The following BBS9 variants were observed in gnomAD, a reference collection of about 807,000 sequenced individuals.
BBS9 encodes the protein Bardet-Biedl syndrome 9.
A neutral mutation model predicts 117.7 loss-of-function variants in BBS9; 89 were observed. The observed-to-expected ratio is 0.76, with a 90% CI of 0.64 to 0.90. The LOEUF is 0.90. Among genes scored for constraint, BBS9 ranks in the 40% least tolerant of loss-of-function variants. The pLI is 0.00. For missense variants in BBS9, 982 were observed against 1,042.2 expected, an observed-to-expected ratio of 0.94 and a Z score of 0.80; for synonymous variants, 379 against 370.9, an observed-to-expected ratio of 1.02 and a Z score of -0.25.
chr7:33,432,875 A>G (rs1834732363), intron 19 of BBS9, among the ~76,000 whole-genome samples: 1 of 152,008 alleles, frequency 6.6e-6, no homozygotes, highest in African/African-American at 2.4e-5. Context: ...TAGAGTTAAG[A>G]ATCCTTTTAC....
chr7:33,430,584 C>T (rs566522069), intron 19 of BBS9, among the ~76,000 whole-genome samples: 16 of 152,254 alleles, frequency 1.1e-4, no homozygotes, highest in African/African-American at 2.9e-4. Context: ...CCTTGTTTAT[C>T]GAAAGCAGTG....
At chr7:33,329,780 A>G (rs985336099) in intron 9 of BBS9, among the ~76,000 whole-genome samples, 2 of 152,254 alleles carry the variant, frequency 1.3e-5, no homozygotes. Flanking sequence ...ACAGCTGGAC[A>G]CATTATTAAA....
intron 21 of BBS9, among the ~76,000 whole-genome samples, chr7:33,616,792 T>G (rs888439941): frequency 2.0e-5 from 3 of 152,072 alleles, no homozygotes; most frequent in African/African-American, 7.2e-5. Context: ...TCTGGACTTT[T>G]ACTGTAACCA....
intron 4 of BBS9, among the ~76,000 whole-genome samples, chr7:33,163,818 GTC>G (rs981390167): frequency 1.3e-5 from 2 of 151,996 alleles, no homozygotes; most frequent in African/African-American, 2.4e-5. Context: ...GGTTTTTTGT[GTC>G]TCTATTTCCT....
chr7:33,432,450 A>G (rs2128880029), intron 19 of BBS9, among the ~76,000 whole-genome samples: 1 of 152,092 alleles, frequency 6.6e-6, no homozygotes, highest in Non-Finnish European at 1.5e-5. Flanking sequence ...TTTATTTTGC[A>G]GTGTAATTAC....
chr7:33,408,407 C>T (rs1298201014), intron 19 of BBS9, among the ~76,000 whole-genome samples: 1 of 152,154 alleles, frequency 6.6e-6, no homozygotes, highest in African/African-American at 2.4e-5. Flanking sequence ...GGCAATGCCT[C>T]ACCCTGCTTT....
rs576401162 is a variant in BBS9 at position 33,357,908 on chromosome 7, C to T, written c.1606C>T (p.Leu536=). The T allele has an allele frequency of 3.7e-4, 597 of 1,612,028 alleles. 7 individuals are homozygous for T. The South Asian group carries it at 5.9e-3, about 16-fold the overall frequency. Reference sequence around the variant, plus strand: ...TAGACTTCCCCTAAAGTTAATTTGCCTACCAGGTCAGCCTTCAAAAACTGC... The same window carrying T: ...TAGACTTCCCCTAAAGTTAATTTGCTTACCAGGTCAGCCTTCAAAAACTGC... ...KFRLPLKLIC[L]PGQPSKTASH... Residue 536 remains leucine, a synonymous_variant, in exon 16 of 23, where the codon CTA becomes TTA. Coordinates refer to ENST00000242067, the MANE Select transcript of BBS9 (RefSeq NM_198428.3).
chr7:33,289,754 T>C (rs1803625725), intron 9 of BBS9, among the ~76,000 whole-genome samples: 1 of 152,080 alleles, frequency 6.6e-6, no homozygotes, highest in Non-Finnish European at 1.5e-5. Flanking sequence ...ATTTAAAAAT[T>C]TTCTTGGGGC....
At chr7:33,608,315 G>A (rs746059842), downstream of BBS9, among the ~76,000 whole-genome samples, 4 of 152,012 alleles carry the variant, frequency 2.6e-5, no homozygotes, top group Admixed American at 6.6e-5. Flanking sequence ...TTGATTCCAT[G>A]TCTTTACTAT....
intron 15 of BBS9, 109 bp from the exon 16 acceptor site, chr7:33,357,746 G>A (rs879417089): frequency 1.6e-5 from 18 of 1,143,864 alleles, no homozygotes; most frequent in Non-Finnish European, 2.4e-5. Flanking sequence ...AAATAGGCAG[G>A]CAACAAGCAA....
At chr7:33,332,634 G>A (rs1299508746) in intron 9 of BBS9, among the ~76,000 whole-genome samples, 5 of 152,064 alleles carry the variant, frequency 3.3e-5, no homozygotes, top group African/African-American at 7.2e-5. Context: ...CTGAGATCAC[G>A]CCACTGCATT....
intron 21 of BBS9, 49 bp from the exon 22 acceptor site, chr7:33,604,816 C>A: frequency 7.7e-7 from 1 of 1,297,196 alleles, no homozygotes; most frequent in Non-Finnish European, 1.1e-6. Flanking sequence ...TGTAGAGAGG[C>A]AGATTTTCTT....
chr7:33,186,150 T>G (rs922133702), intron 5 of BBS9, among the ~76,000 whole-genome samples: 3 of 152,244 alleles, frequency 2.0e-5, no homozygotes, highest in African/African-American at 7.2e-5. Context: ...ACTTTTAAGT[T>G]GCATTTGAAT....
chr7:33,505,869 C>A, intron 20 of BBS9: 1 of 548,800 alleles, frequency 1.8e-6, no homozygotes, highest in Non-Finnish European at 3.2e-6. Context: ...TTTATGTGGT[C>A]CAGTCTACTT....
intron 22 of BBS9, 95 bp from the exon 23 acceptor site, chr7:33,605,100 C>T (rs1422410433): frequency 3.4e-6 from 5 of 1,474,060 alleles, no homozygotes; most frequent in Non-Finnish European, 3.8e-6. Flanking sequence ...CATTCTTCCC[C>T]TTAGCACTGG....
intron 20 of BBS9, among the ~76,000 whole-genome samples, chr7:33,531,971 A>G (rs1274887045): frequency 6.6e-6 from 1 of 152,250 alleles, no homozygotes. Flanking sequence ...TGCAGCAAAC[A>G]TATTTCTTGA....
chr7:33,398,355 A>G (rs1430104547), intron 19 of BBS9, among the ~76,000 whole-genome samples: 2 of 152,154 alleles, frequency 1.3e-5, no homozygotes, highest in African/African-American at 4.8e-5. Flanking sequence ...TATTCCATAT[A>G]TGAGTTAGTT....
chr7:33,633,308 T>A (rs1356690188), intron 21 of BBS9, among the ~76,000 whole-genome samples: 1 of 148,256 alleles, frequency 6.7e-6, no homozygotes, highest in Admixed American at 6.7e-5. Context: ...AGAAAAGACT[T>A]AAAAAAAAAA....
At chr7:33,441,231 A>G (rs536858465) in intron 19 of BBS9, among the ~76,000 whole-genome samples, 2 of 151,664 alleles carry the variant, frequency 1.3e-5, no homozygotes, top group East Asian at 3.9e-4. Flanking sequence ...AATGCTCCCT[A>G]TTTGTGTGTA....
Sources: gnomAD v4.1 joint callset for allele counts (sites outside exome capture counted in the v4.1 genomes callset) on GRCh38, gnomAD v4.1.1 for gene constraint, MANE v1.5 for transcripts, NCBI Gene and HGNC (gene_info 2026-07-23, HGNC 2026-07-21) for gene names.